The following DSCAML1 variants were observed in gnomAD, a reference collection of about 807,000 sequenced individuals.
DSCAML1 encodes the protein cell adhesion molecule DSCAML1.
A neutral mutation model predicts 200.5 loss-of-function variants in DSCAML1; 38 were observed. The ratio of observed to expected loss-of-function variants is 0.19; its 90% CI spans 0.15 to 0.25. DSCAML1 has a LOEUF of 0.25. Among genes scored for constraint, DSCAML1 ranks in the 10% least tolerant of loss-of-function variants. DSCAML1 has a pLI of 1.00. For missense variants in DSCAML1, 2,223 were observed against 2,858.8 expected (o/e 0.78, Z 5.07); for synonymous variants, 1,215 against 1,165.0 (o/e 1.04, Z -0.87).
In DSCAML1 at chr11:117,504,877, C is replaced by A; in HGVS notation, c.2182+47G>T. On this transcript the variant is annotated intron_variant, in intron 10 of 32. Coordinates refer to ENST00000651296, the MANE Select transcript of DSCAML1 (RefSeq NM_020693.4). This position sits in a 1 kb window ranked among gnomAD's most constrained non-coding sequence, Gnocchi z 5.0. The stretch of plus-strand genomic sequence containing the variant: ...CAAATCCCACAGAGCATCCTCCGTT[C>A]CCCGTCCCTGCCCTTCTTGGAGATT... 2.6e-6 allele frequency: 4 copies of A among 1,566,636 alleles called. No homozygotes were observed. The highest frequency in any genetic ancestry group is 3.5e-6 in the Non-Finnish European group (4 of 1,151,550).
At chr11:117,607,247 T>A (rs2051585865) in intron 3 of DSCAML1, among the ~76,000 whole-genome samples, 1 of 152,224 alleles carries the variant, frequency 6.6e-6, no homozygotes, top group South Asian at 2.1e-4. Flanking sequence ...TCTATCCACC[T>A]TGGAGATTGG....
chr11:117,641,834 T>G (rs941054819), intron 3 of DSCAML1, among the ~76,000 whole-genome samples: 3 of 152,132 alleles, frequency 2.0e-5, no homozygotes, highest in African/African-American at 7.2e-5. Context: ...GCATCTATGG[T>G]GCACCTACTG....
intron 3 of DSCAML1, among the ~76,000 whole-genome samples, chr11:117,769,500 A>AT (rs1491461898): frequency 4.1e-4 from 4 of 9,796 alleles, no homozygotes; most frequent in African/African-American, 1.1e-3. Flanking sequence ...TTATATATAT[A>AT]ATATATATTT....
Position 117,431,628 on chromosome 11 carries a change from G to A in DSCAML1, c.5280C>T (p.Arg1760=). 1 of 1,613,530 alleles carries A rather than the reference G, an allele frequency of 6.2e-7. No individual in the cohort carries two copies. The highest frequency in any genetic ancestry group is 8.5e-7 in the Non-Finnish European group (1 of 1,179,644). Residue 1760 remains arginine (R), a synonymous_variant, in exon 31 of 33, where the codon CGC becomes CGT. Coordinates refer to ENST00000651296, the MANE Select transcript of DSCAML1 (RefSeq NM_020693.4). ...LTKCQASTPA[R]TLTSDWRTVG... is the part of the protein sequence containing the mutation. ...CGGTGCGCCAGTCGGAGGTGAGGGTGCGGGCAGGTGTGGAGGCCTGGCACT... is the reference window on the plus strand; with the variant it reads ...CGGTGCGCCAGTCGGAGGTGAGGGTACGGGCAGGTGTGGAGGCCTGGCACT...
Position 117,780,232 on chromosome 11 carries a change from GA to G in DSCAML1, c.364+260del, listed in dbSNP as rs1565280643. ...AAGAGAGAGAGAGAAAGAAAGAAAG[GA>G]AAGAAAGAAAGAAAGAAAGAAAGAA... On this transcript the variant is annotated intron_variant, in intron 2 of 32. Transcript: ENST00000651296. This position sits in a 1 kb window ranked among gnomAD's most constrained non-coding sequence, Gnocchi z 4.8. 3.4e-5 allele frequency among the ~76,000 whole-genome samples: 1 copy of G among 29,572 alleles called. No homozygotes were observed. Among genetic ancestry groups the G allele is most frequent in the Non-Finnish European group, 6.3e-5 (1 of 15,990 alleles). 19.4% of individuals were successfully genotyped at this position (29,572 alleles called of 152,430 possible).
At chr11:117,756,850 T>C (rs571838094) in intron 3 of DSCAML1, among the ~76,000 whole-genome samples, 1 of 152,292 alleles carries the variant, frequency 6.6e-6, no homozygotes, top group Admixed American at 6.5e-5. Context: ...GGAAAGACTT[T>C]GACACAACAG....
intron 20 of DSCAML1, among the ~76,000 whole-genome samples, chr11:117,445,117 C>A (rs1320279804): frequency 6.6e-6 from 1 of 152,238 alleles, no homozygotes; most frequent in Non-Finnish European, 1.5e-5. Flanking sequence ...GACCTCCAGG[C>A]ATGTATGGGC....
At chr11:117,700,368 C>T (rs538967510) in intron 3 of DSCAML1, among the ~76,000 whole-genome samples, 1 of 152,254 alleles carries the variant, frequency 6.6e-6, no homozygotes, top group East Asian at 1.9e-4. Context: ...CAGACCACAC[C>T]ACATCACATC....
At chr11:117,731,122 A>G (rs931159225) in intron 3 of DSCAML1, among the ~76,000 whole-genome samples, 1 of 152,192 alleles carries the variant, frequency 6.6e-6, no homozygotes, top group Non-Finnish European at 1.5e-5. Context: ...AATCATACAC[A>G]TTAAATGGGT....
At chr11:117,772,683 T>C (rs1263712830) in intron 3 of DSCAML1, among the ~76,000 whole-genome samples, 29 of 152,238 alleles carry the variant, frequency 1.9e-4, no homozygotes, top group Admixed American at 1.9e-3. Context: ...TATCTTTATA[T>C]CCAATAACAT....
intron 3 of DSCAML1, among the ~76,000 whole-genome samples, chr11:117,746,221 C>CAA (rs34362262): frequency 0.67 from 44,521 of 66,798 alleles, 18,293 homozygotes; most frequent in South Asian, 0.79. Context: ...GACTCTGTCT[C>CAA]AAAAAAAAAA....
chr11:117,454,664 G>A (rs1159127088), intron 19 of DSCAML1, among the ~76,000 whole-genome samples: 1 of 151,912 alleles, frequency 6.6e-6, no homozygotes, highest in South Asian at 2.1e-4. Context: ...ATTTTTTATT[G>A]TATGCCAGAC....
rs764313532 is a variant in DSCAML1 at position 117,428,391 on chromosome 11, C to T, written c.6099G>A (p.Ser2033=). The T allele has an allele frequency of 3.9e-5, 62 of 1,584,804 alleles. No homozygotes were observed. In the East Asian group the frequency reaches 8.3e-4, roughly 21 times the overall value. ...CCTGCTTCTGAGACCTCCCTACCCC[C>T]GATGTGCTCATCTCGAGAAGCGAGT... ...SRDSLLEMST[S]GVGRSQKQGA... The change falls in exon 33 of 33, where the codon TCG becomes TCA. Residue 2033 remains serine (S), a synonymous_variant. Transcript: ENST00000651296.
At chr11:117,466,253 A>G (rs1049324968) in intron 16 of DSCAML1, among the ~76,000 whole-genome samples, 6 of 152,268 alleles carry the variant, frequency 3.9e-5, no homozygotes, top group Non-Finnish European at 7.3e-5. Context: ...ACAATGGGAT[A>G]GTATGCAGCC....
chr11:117,526,752 G>A (rs1368912874), intron 4 of DSCAML1, among the ~76,000 whole-genome samples: 1 of 152,068 alleles, frequency 6.6e-6, no homozygotes, highest in African/African-American at 2.4e-5. Flanking sequence ...TCCTGACCTT[G>A]TGATCCACCC....
At chr11:117,522,307 C>G (rs890789887) in intron 5 of DSCAML1, among the ~76,000 whole-genome samples, 5 of 152,212 alleles carry the variant, frequency 3.3e-5, no homozygotes, top group Non-Finnish European at 5.9e-5. Context: ...AGCACCCTGT[C>G]TCTTCATCAC....
chr11:117,745,822 A>T (rs1399506652), intron 3 of DSCAML1, among the ~76,000 whole-genome samples: 1 of 152,188 alleles, frequency 6.6e-6, no homozygotes, highest in East Asian at 1.9e-4. Flanking sequence ...CCGTGCCTCA[A>T]TGTCTTCGTC....
intron 21 of DSCAML1, among the ~76,000 whole-genome samples, chr11:117,443,094 C>A (rs1393768067): frequency 1.3e-5 from 2 of 152,174 alleles, no homozygotes; most frequent in Non-Finnish European, 2.9e-5. Context: ...CACCTCCTCT[C>A]GTCTGGGCTG....
At position 117,635,374 on chromosome 11, in the gene DSCAML1, C is replaced by G. The variant is rs150952332; in HGVS notation, c.512-102852G>C. On this transcript the variant is annotated intron_variant, in intron 3 of 32. Coordinates refer to ENST00000651296, the MANE Select transcript of DSCAML1 (RefSeq NM_020693.4). ...GGTTGTCTTTTCACAGCGCCAGAGT[C>G]CCGGATATCCAAGGGATGTGGTGCC... 2.8e-3 allele frequency among the ~76,000 whole-genome samples: 426 copies of G among 152,108 alleles called. 4 individuals are homozygous for G. The highest frequency in any genetic ancestry group is 9.7e-3 in the African/African-American group (404 of 41,478).
Sources: gnomAD v4.1 joint callset for allele counts (sites outside exome capture counted in the v4.1 genomes callset) on GRCh38, gnomAD v4.1.1 for gene constraint, Gnocchi (gnomAD v3.1) non-coding constraint, MANE v1.5 for transcripts, NCBI Gene and HGNC (gene_info 2026-07-23, HGNC 2026-07-21) for gene names.